The following MAN2A1 variants were observed in gnomAD, a reference collection of about 807,000 sequenced individuals.
MAN2A1 encodes the protein alpha-mannosidase 2.
In MAN2A1, 76 loss-of-function variants were observed where a neutral mutation model predicts 142.6. The observed-to-expected ratio is 0.53, with a 90% confidence interval of 0.44 to 0.65. The LOEUF (loss-of-function observed/expected upper bound fraction) is 0.65. Among genes scored for constraint, MAN2A1 ranks in the 30% least tolerant of loss-of-function variants. The pLI is 0.00. For missense variants in MAN2A1, 1,311 were observed against 1,365.1 expected, an observed-to-expected ratio of 0.96 and a Z score of 0.62; for synonymous variants, 559 against 473.2, an observed-to-expected ratio of 1.18 and a Z score of -2.35.
At chr5:109,726,726 CAAAA>C (rs869109757) in intron 3 of MAN2A1, among the ~76,000 whole-genome samples, 1 of 152,232 alleles carries the variant, frequency 6.6e-6, no homozygotes, top group East Asian at 1.9e-4. Context: ...AAAAAACATA[CAAAA>C]AAACTTTTAC....
intron 12 of MAN2A1, among the ~76,000 whole-genome samples, chr5:109,799,829 T>C (rs1753968437): frequency 4.0e-5 from 6 of 150,958 alleles, no homozygotes; most frequent in African/African-American, 9.7e-5. Flanking sequence ...TGACTTACCC[T>C]ATAATCCCAG....
chr5:109,708,445 C>A (rs1238138971), intron 1 of MAN2A1, among the ~76,000 whole-genome samples: 2 of 146,166 alleles, frequency 1.4e-5, no homozygotes, highest in Non-Finnish European at 3.0e-5. Flanking sequence ...TGGGTGGGGC[C>A]CTGGAGGGGA....
Position 109,855,139 on chromosome 5 carries a change from G to A in MAN2A1, c.2977-1G>A, listed in dbSNP as rs761431394. 6.6e-7 allele frequency: 1 copy of A among 1,523,018 alleles called. No homozygotes were observed. The highest frequency in any genetic ancestry group is 2.2e-5 in the Admixed American group (1 of 45,040). The allele number at this position is 1,523,018 out of a possible 1,614,324, so 94.3% of individuals were successfully genotyped here. On this transcript the variant is annotated splice_acceptor_variant, in intron 19 of 21. Transcript: ENST00000261483. LOFTEE classifies it high-confidence loss of function. ...TAAACATTTTTGTTTTTTCTTGATA[G>A]GAAGAAGAAAAGAAGTCGGTCAGTT...
intron 8 of MAN2A1, among the ~76,000 whole-genome samples, chr5:109,781,119 A>G (rs947118860): frequency 2.6e-5 from 4 of 152,082 alleles, no homozygotes; most frequent in African/African-American, 9.7e-5. Context: ...GATATGTAGG[A>G]GTTTTCATAT....
chr5:109,845,145 A>G (rs956921675), intron 17 of MAN2A1, among the ~76,000 whole-genome samples: 5 of 152,102 alleles, frequency 3.3e-5, no homozygotes, highest in Non-Finnish European at 7.4e-5. Context: ...AAATGAGGAG[A>G]TGACATTTTT....
intron 18 of MAN2A1, among the ~76,000 whole-genome samples, chr5:109,846,367 A>G (rs1387730292): frequency 6.6e-6 from 1 of 152,188 alleles, no homozygotes; most frequent in Non-Finnish European, 1.5e-5. Context: ...TACGTTTGCA[A>G]AGTTGGGAAG....
At chr5:109,726,086 T>C (rs1470506833) in intron 3 of MAN2A1, among the ~76,000 whole-genome samples, 4 of 152,176 alleles carry the variant, frequency 2.6e-5, no homozygotes, top group Non-Finnish European at 5.9e-5. Flanking sequence ...CTTAATGCTG[T>C]TCTAGCCCTC....
At chr5:109,772,891 C>T (rs1435784999) in intron 7 of MAN2A1, among the ~76,000 whole-genome samples, 2 of 152,170 alleles carry the variant, frequency 1.3e-5, no homozygotes, top group African/African-American at 4.8e-5. Flanking sequence ...TCCAGCTCAG[C>T]AGGTTCTTCT....
chr5:109,762,035 C>T (rs939476778), intron 5 of MAN2A1, among the ~76,000 whole-genome samples: 3 of 151,926 alleles, frequency 2.0e-5, no homozygotes, highest in African/African-American at 7.3e-5. Flanking sequence ...AAGGAGAAAT[C>T]CTTCTGTACC....
intron 4 of MAN2A1, among the ~76,000 whole-genome samples, chr5:109,742,116 T>C (rs1472718831): frequency 6.6e-6 from 1 of 152,254 alleles, no homozygotes; most frequent in Non-Finnish European, 1.5e-5. Context: ...TTCCTTTGAC[T>C]AGCACACAGC....
intron 4 of MAN2A1, among the ~76,000 whole-genome samples, chr5:109,750,366 G>A (rs1052556274): frequency 6.6e-6 from 1 of 151,886 alleles, no homozygotes; most frequent in Non-Finnish European, 1.5e-5. Context: ...GAATCTTCTG[G>A]TTTATTATCT....
At chr5:109,750,759 T>TAAA (rs1752523274) in intron 4 of MAN2A1, among the ~76,000 whole-genome samples, 1 of 152,144 alleles carries the variant, frequency 6.6e-6, no homozygotes, top group Non-Finnish European at 1.5e-5. Context: ...TGAGCTGGTT[T>TAAA]TAAGTCACTC....
intron 3 of MAN2A1, 132 bp from the exon 4 acceptor site, chr5:109,729,210 C>T (rs1027657733): frequency 1.5e-5 from 8 of 517,040 alleles, no homozygotes; most frequent in African/African-American, 1.4e-4. Flanking sequence ...TAATTGAAAA[C>T]ACCTGTTAAA....
intron 12 of MAN2A1, among the ~76,000 whole-genome samples, chr5:109,796,596 C>G (rs1341534086): frequency 6.6e-6 from 1 of 150,662 alleles, no homozygotes; most frequent in Non-Finnish European, 1.5e-5. Context: ...GGAAACTTAA[C>G]GATAGATCAT....
At chr5:109,800,094 A>G (rs1753978477) in intron 12 of MAN2A1, among the ~76,000 whole-genome samples, 1 of 151,918 alleles carries the variant, frequency 6.6e-6, no homozygotes, top group South Asian at 2.1e-4. Flanking sequence ...GTCTCAAAAA[A>G]AAAAAAAAAA....
intron 4 of MAN2A1, among the ~76,000 whole-genome samples, chr5:109,736,016 T>C (rs988270590): frequency 6.6e-6 from 1 of 151,244 alleles, no homozygotes; most frequent in Non-Finnish European, 1.5e-5. Flanking sequence ...CCACATCCAC[T>C]CTAGGCATGT....
chr5:109,862,777 CTG>C (rs1181921164), intron 20 of MAN2A1: 1 of 152,166 alleles, frequency 6.6e-6, no homozygotes. Flanking sequence ...TGCTTGAAAA[CTG>C]ATACTTTCAT....
At chr5:109,749,028 A>T (rs555768548) in intron 4 of MAN2A1, among the ~76,000 whole-genome samples, 19 of 151,964 alleles carry the variant, frequency 1.3e-4, no homozygotes, top group South Asian at 2.1e-4. Context: ...TTCATTTAAA[A>T]TTTTTTTAAA....
intron 16 of MAN2A1, among the ~76,000 whole-genome samples, chr5:109,841,156 A>G (rs1428804984): frequency 1.3e-5 from 2 of 152,134 alleles, no homozygotes; most frequent in African/African-American, 2.4e-5. Flanking sequence ...TTTAAAAAAA[A>G]TTTCCATAGG....
Sources: gnomAD v4.1 joint callset for allele counts (sites outside exome capture counted in the v4.1 genomes callset) on GRCh38, gnomAD v4.1.1 for gene constraint, MANE v1.5 for transcripts, NCBI Gene and HGNC (gene_info 2026-07-23, HGNC 2026-07-21) for gene names.